SLC9A9: variants seen among roughly 807,000 people sequenced by gnomAD.
The protein encoded by SLC9A9 is sodium/hydrogen exchanger 9.
Under a neutral mutation model 77.8 loss-of-function variants are expected in SLC9A9, and 62 were observed. The observed-to-expected ratio is 0.80, with a 90% CI of 0.65 to 0.98. SLC9A9 has a LOEUF of 0.98. SLC9A9 is among the 50% of genes least tolerant of loss of function. The pLI is 0.00. For synonymous variants in SLC9A9, 320 were observed against 283.5 expected, an observed-to-expected ratio of 1.13 and a Z score of -1.29; for missense variants, 775 against 774.9, an observed-to-expected ratio of 1.00 and a Z score of 0.00.
chr3:143,468,365 C>A (rs2035320559), intron 11 of SLC9A9, among the ~76,000 whole-genome samples: 1 of 152,214 alleles, frequency 6.6e-6, no homozygotes, highest in Non-Finnish European at 1.5e-5. Context: ...GCTTTTGGAA[C>A]TCCATCAAAA....
intron 4 of SLC9A9, among the ~76,000 whole-genome samples, chr3:143,704,991 T>G (rs897273988): frequency 1.0e-5 from 1 of 96,960 alleles, no homozygotes; most frequent in Non-Finnish European, 2.2e-5. Context: ...AAACTCCATC[T>G]CAAATATCTA....
chr3:143,381,453 C>G (rs549007050), intron 13 of SLC9A9: 20 of 154,700 alleles, frequency 1.3e-4, no homozygotes, highest in African/African-American at 4.8e-4. Context: ...AACTGTAAGT[C>G]CATTAAACCT....
intron 2 of SLC9A9, among the ~76,000 whole-genome samples, chr3:143,830,142 A>G (rs945424277): frequency 4.6e-5 from 7 of 152,174 alleles, no homozygotes; most frequent in Admixed American, 2.0e-4. Flanking sequence ...GTATAGTGAC[A>G]TACTCCAGGT....
At chr3:143,567,437 T>G (rs1174245735) in intron 8 of SLC9A9, among the ~76,000 whole-genome samples, 2 of 152,256 alleles carry the variant, frequency 1.3e-5, no homozygotes, top group Admixed American at 6.5e-5. Flanking sequence ...TCTCATCCTC[T>G]ATAAAGACTT....
rs2036019116 is a variant in SLC9A9 at position 143,506,439 on chromosome 3, C to T, written c.1090-10991G>A. ...TGGCTATTACTTTCAACCACTTCTC[C>T]TATTTCTTTGGTTCACAGAAAAATG... On this transcript the variant is annotated intron_variant, in intron 9 of 15. Coordinates refer to ENST00000316549, the MANE Select transcript of SLC9A9 (RefSeq NM_173653.4). Among the ~76,000 whole-genome samples, 6 of 152,260 alleles carry T rather than the reference C, an allele frequency of 3.9e-5. No individual in the cohort carries two copies. The South Asian group carries it at 1.2e-3, about 32-fold the overall frequency.
chr3:143,687,202 T>C (rs1199629816), intron 5 of SLC9A9, among the ~76,000 whole-genome samples: 6 of 152,142 alleles, frequency 3.9e-5, no homozygotes, highest in African/African-American at 1.4e-4. Flanking sequence ...TAAATGTGTA[T>C]CCATAAAAGA....
intron 14 of SLC9A9, among the ~76,000 whole-genome samples, chr3:143,333,393 G>C (rs2031832641): frequency 6.6e-5 from 10 of 152,186 alleles, no homozygotes; most frequent in Admixed American, 6.5e-4. Flanking sequence ...CTAGTAAGCA[G>C]AAAACTAGTA....
intron 2 of SLC9A9, among the ~76,000 whole-genome samples, chr3:143,801,674 G>A (rs530376299): frequency 5.3e-5 from 8 of 152,062 alleles, no homozygotes; most frequent in South Asian, 2.1e-4. Flanking sequence ...AGGCCTAATC[G>A]CCACTCACCA....
Position 143,782,248 on chromosome 3 carries a change from T to C in SLC9A9, c.533+12753A>G, listed in dbSNP as rs188733385. Among the ~76,000 whole-genome samples, 135 of 152,350 alleles carry C rather than the reference T, an allele frequency of 8.9e-4. 3 individuals carry two copies. Among genetic ancestry groups the C allele is most frequent in the Admixed American group, 8.2e-3 (126 of 15,306 alleles). On this transcript the variant is annotated intron_variant, in intron 4 of 15. Transcript: ENST00000316549. ...TATCTTGATTCCTATAGTCTGTCTG[T>C]ACTAAATCCTAAGTAAGGTATTAAA...
At position 143,744,806 on chromosome 3, in the gene SLC9A9, C is replaced by T. The variant is rs74398060; in HGVS notation, c.533+50195G>A. The stretch of plus-strand genomic sequence containing the variant: ...GAGAATCAGAGGAAAGAGGTATGAG[C>T]CTGGGATAGTTCTTTATACCAGGTA... On this transcript the variant is annotated intron_variant, in intron 4 of 15. Coordinates refer to ENST00000316549, the MANE Select transcript of SLC9A9 (RefSeq NM_173653.4). Among the ~76,000 whole-genome samples, 1,098 of 152,208 alleles carry T rather than the reference C, an allele frequency of 7.2e-3. 8 individuals are homozygous for T. Among genetic ancestry groups the T allele is most frequent in the African/African-American group, 0.025 (1,029 of 41,534 alleles).
intron 12 of SLC9A9, among the ~76,000 whole-genome samples, chr3:143,450,043 A>C (rs1421347579): frequency 9.2e-6 from 1 of 109,106 alleles, no homozygotes; most frequent in African/African-American, 3.6e-5. Context: ...ACATATATGT[A>C]TATATACACA....
At chr3:143,322,174 T>C (rs1005110427) in intron 14 of SLC9A9, among the ~76,000 whole-genome samples, 38 of 152,228 alleles carry the variant, frequency 2.5e-4, no homozygotes, top group African/African-American at 8.2e-4. Context: ...GGTACCCAGA[T>C]ATTTGGTCAA....
At chr3:143,767,928 A>G (rs370302995) in intron 4 of SLC9A9, among the ~76,000 whole-genome samples, 2 of 150,754 alleles carry the variant, frequency 1.3e-5, no homozygotes, top group East Asian at 1.9e-4. Context: ...ATCAAAATAT[A>G]TTTTCTTGAA....
intron 8 of SLC9A9, among the ~76,000 whole-genome samples, chr3:143,560,069 G>A (rs1218198106): frequency 6.6e-6 from 1 of 152,212 alleles, no homozygotes; most frequent in East Asian, 1.9e-4. Context: ...ACATCTGGAA[G>A]TGCAACTGTG....
intron 9 of SLC9A9, among the ~76,000 whole-genome samples, chr3:143,513,132 C>A (rs79310493): frequency 6.6e-6 from 1 of 152,112 alleles, no homozygotes; most frequent in East Asian, 1.9e-4. Context: ...TCTCCTTTTA[C>A]AAAAGATTTT....
intron 13 of SLC9A9, among the ~76,000 whole-genome samples, chr3:143,378,128 T>C (rs2033222666): frequency 6.6e-6 from 1 of 152,238 alleles, no homozygotes; most frequent in Non-Finnish European, 1.5e-5. Context: ...TTTGAATGTA[T>C]AGAATGCAGT....
intron 14 of SLC9A9, among the ~76,000 whole-genome samples, chr3:143,290,533 G>C (rs1322593879): frequency 6.6e-6 from 1 of 152,134 alleles, no homozygotes; most frequent in Non-Finnish European, 1.5e-5. Context: ...ACAGAGCTAG[G>C]CCTTTTCTGT....
intron 13 of SLC9A9, among the ~76,000 whole-genome samples, chr3:143,368,935 T>C (rs953149999): frequency 5.3e-5 from 8 of 152,218 alleles, no homozygotes; most frequent in Non-Finnish European, 1.2e-4. Flanking sequence ...AGCCTCTGCA[T>C]AGAAAGCAGT....
At chr3:143,339,951 A>C (rs1011843479) in intron 14 of SLC9A9, among the ~76,000 whole-genome samples, 3 of 152,310 alleles carry the variant, frequency 2.0e-5, no homozygotes, top group African/African-American at 7.2e-5. Context: ...TAACTGACAT[A>C]AAAAAAGCAA....
Sources: gnomAD v4.1 joint callset for allele counts (sites outside exome capture counted in the v4.1 genomes callset) on GRCh38, gnomAD v4.1.1 for gene constraint, MANE v1.5 for transcripts, NCBI Gene and HGNC (gene_info 2026-07-23, HGNC 2026-07-21) for gene names.